ZNF521: variants seen among roughly 807,000 people sequenced by gnomAD.
ZNF521 encodes the protein LYST-interacting protein 3.
A neutral mutation model predicts 105.5 loss-of-function variants in ZNF521; 14 were observed. The observed-to-expected ratio is 0.13, with a 90% CI of 0.09 to 0.21. The LOEUF is 0.21. Ranked by LOEUF, ZNF521 falls within the 10% of genes least tolerant of loss-of-function variation. The pLI, the probability that ZNF521 is intolerant of heterozygous loss-of-function variation, is 1.00. For synonymous variants in ZNF521, 635 were observed against 606.0 expected (o/e 1.05, Z -0.70); for missense variants, 1,233 against 1,629.7 (o/e 0.76, Z 4.19).
At chr18:25,119,935 T>C (rs570496409) in intron 5 of ZNF521, among the ~76,000 whole-genome samples, 1 of 152,262 alleles carries the variant, frequency 6.6e-6, no homozygotes, top group Admixed American at 6.5e-5. Context: ...CTAAACTGAT[T>C]GGAAGAAAAG....
At position 25,227,464 on chromosome 18, in the gene ZNF521, T is replaced by A. The variant is rs1459669526; in HGVS notation, c.454A>T (p.Ser152Cys). 1 of 1,614,132 alleles carries A rather than the reference T, an allele frequency of 6.2e-7. No homozygotes were observed. The highest frequency in any genetic ancestry group is 2.2e-5 in the East Asian group (1 of 44,860). The change falls in exon 4 of 8, where the codon AGT becomes TGT. Residue 152 changes from serine to cysteine, a missense_variant. Transcript: ENST00000361524. This position sits in a 1 kb window ranked among gnomAD's most constrained non-coding sequence, Gnocchi z 5.7. ...DKLPFKCTYC[S>C]RLFKHKRSRD... ...CTGCGCTTGTGTTTGAACAGCCTACTGCAGTAGGTGCATTTGAAAGGCAGT... is the reference window on the plus strand; with the variant it reads ...CTGCGCTTGTGTTTGAACAGCCTACAGCAGTAGGTGCATTTGAAAGGCAGT...
intron 4 of ZNF521, among the ~76,000 whole-genome samples, chr18:25,216,821 G>A (rs1905355823): frequency 6.6e-6 from 1 of 152,146 alleles, no homozygotes; most frequent in Non-Finnish European, 1.5e-5. Flanking sequence ...CTCCCAAAGT[G>A]CTGGGATTAT....
Position 25,227,257 on chromosome 18 carries a change from T to C in ZNF521, c.661A>G (p.Met221Val). ...TCCTTGTTCCTCTCATGAACCTGCA[T>C]GTGTCCGTGTAAGGAACTAGAGGAC... The part of the protein sequence containing the change: ...FLSSSSLHGH[M>V]QVHERNKDGS... Residue 221 changes from methionine to valine, a missense_variant, in exon 4 of 8, where the codon ATG becomes GTG. By Grantham distance (21) the Met-to-Val change is conservative. Transcript: ENST00000361524. The surrounding 1 kb of genome is among the most constrained non-coding windows in gnomAD (Gnocchi z 5.7). 2 of 1,614,166 alleles carry C rather than the reference T, an allele frequency of 1.2e-6. No homozygotes were observed. Among genetic ancestry groups the C allele is most frequent in the Non-Finnish European group, 1.7e-6 (2 of 1,180,012 alleles).
At position 25,292,014 on chromosome 18, in the gene ZNF521, G is replaced by A. The variant is rs758679890; in HGVS notation, c.220+29994C>T. ...TGACAGTATCTGGCTCATAATAGGCGCTCAATGAATATTTATTGAAAGAAA... is the reference window on the plus strand; with the variant it reads ...TGACAGTATCTGGCTCATAATAGGCACTCAATGAATATTTATTGAAAGAAA... On this transcript the variant is annotated intron_variant, in intron 3 of 7. Transcript: ENST00000361524. 3.3e-5 allele frequency among the ~76,000 whole-genome samples: 5 copies of A among 151,928 alleles called. No homozygotes were observed. In the South Asian group the frequency reaches 8.3e-4, roughly 25 times the overall value.
chr18:25,298,621 G>T lies in ZNF521; in HGVS notation c.220+23387C>A, dbSNP rs1317615932. On this transcript the variant is annotated intron_variant, in intron 3 of 7. Coordinates refer to ENST00000361524, the MANE Select transcript of ZNF521 (RefSeq NM_015461.3). Reference sequence around the variant, plus strand: ...TACTTTATATTTTAAAAATGGAACAGCGGGTCATCAAAGTGGCACACTATA... The same window carrying T: ...TACTTTATATTTTAAAAATGGAACATCGGGTCATCAAAGTGGCACACTATA... Among the ~76,000 whole-genome samples, 6 of 152,086 alleles carry T rather than the reference G, an allele frequency of 3.9e-5. No individual in the cohort carries two copies. The East Asian group carries it at 1.2e-3, about 29-fold the overall frequency.
chr18:25,304,762 C>G (rs143361307), intron 3 of ZNF521, among the ~76,000 whole-genome samples: 1 of 152,166 alleles, frequency 6.6e-6, no homozygotes, highest in Non-Finnish European at 1.5e-5. Context: ...TTGCCACTCC[C>G]TTCTTTGAAG....
chr18:25,342,594 A>G lies in ZNF521; in HGVS notation c.40+8313T>C, dbSNP rs1364203798. Among the ~76,000 whole-genome samples, 5 of 143,308 alleles carry G rather than the reference A, an allele frequency of 3.5e-5. No homozygotes were observed. The East Asian group carries it at 1.0e-3, about 30-fold the overall frequency. The allele number at this position is 143,308 out of a possible 152,430, so 94.0% of individuals were successfully genotyped here. Reference sequence around the variant, plus strand: ...CAGGCGCCCGTCACCACGCCCGGCTAATTTTTTGTATTTTTAGTAGAGACG... The same window carrying G: ...CAGGCGCCCGTCACCACGCCCGGCTGATTTTTTGTATTTTTAGTAGAGACG... On this transcript the variant is annotated intron_variant, in intron 2 of 7. Coordinates refer to ENST00000361524, the MANE Select transcript of ZNF521 (RefSeq NM_015461.3).
At chr18:25,116,883 AT>A (rs2034317285) in intron 5 of ZNF521, among the ~76,000 whole-genome samples, 2 of 52,318 alleles carry the variant, frequency 3.8e-5, no homozygotes, top group South Asian at 9.1e-4. Flanking sequence ...ATATATATAT[AT>A]ATACGTATAT....
chr18:25,071,934 C>T (rs1241946740), intron 7 of ZNF521, among the ~76,000 whole-genome samples: 7 of 151,954 alleles, frequency 4.6e-5, no homozygotes, highest in Non-Finnish European at 7.4e-5. Context: ...GAATGGCCCC[C>T]GAAGTAGAGG....
chr18:25,166,169 G>A (rs1239933901), intron 5 of ZNF521, among the ~76,000 whole-genome samples: 2 of 152,112 alleles, frequency 1.3e-5, no homozygotes, highest in Non-Finnish European at 2.9e-5. Context: ...AATCTCTGCT[G>A]TTCCATCACA....
chr18:25,075,785 G>A (rs988842866), intron 7 of ZNF521, among the ~76,000 whole-genome samples: 1 of 152,202 alleles, frequency 6.6e-6, no homozygotes, highest in African/African-American at 2.4e-5. Context: ...CGGCGCAGGA[G>A]AAAAGTTATT....
At chr18:25,308,657 C>G (rs1195731026) in intron 3 of ZNF521, among the ~76,000 whole-genome samples, 21 of 146,396 alleles carry the variant, frequency 1.4e-4, no homozygotes, top group Admixed American at 5.5e-4. Context: ...CATCCCCCCC[C>G]CCCCACCCGC....
chr18:25,282,340 C>T (rs749225045), intron 3 of ZNF521, among the ~76,000 whole-genome samples: 5 of 152,094 alleles, frequency 3.3e-5, no homozygotes, highest in African/African-American at 4.8e-5. Context: ...ACATGCACAT[C>T]GGAACCACTG....
chr18:25,314,375 T>G (rs983537525), intron 3 of ZNF521, among the ~76,000 whole-genome samples: 1 of 152,156 alleles, frequency 6.6e-6, no homozygotes, highest in African/African-American at 2.4e-5. Context: ...ATACTCACTT[T>G]CACATTTAAA....
intron 3 of ZNF521, among the ~76,000 whole-genome samples, chr18:25,230,600 TGTA>T (rs200590308): frequency 7.2e-6 from 1 of 138,806 alleles, no homozygotes; most frequent in South Asian, 2.3e-4. Context: ...TGGAAGAAAC[TGTA>T]GAAGATTCTT....
At chr18:25,238,782 A>G (rs1006436359) in intron 3 of ZNF521, among the ~76,000 whole-genome samples, 5 of 152,062 alleles carry the variant, frequency 3.3e-5, no homozygotes, top group African/African-American at 9.7e-5. Context: ...TAATCCACCA[A>G]TCACTAGCAG....
At chr18:25,182,458 A>C (rs1241174558) in intron 5 of ZNF521, among the ~76,000 whole-genome samples, 1 of 152,220 alleles carries the variant, frequency 6.6e-6, no homozygotes, top group Admixed American at 6.5e-5. Context: ...ACCTGAGGTC[A>C]ACATACATCA....
chr18:25,208,722 T>G (rs928661016), intron 4 of ZNF521, among the ~76,000 whole-genome samples: 8 of 152,234 alleles, frequency 5.3e-5, no homozygotes, highest in African/African-American at 1.7e-4. Flanking sequence ...TTAAAACATT[T>G]AAAACCAACT....
chr18:25,309,275 G>A (rs969028482), intron 3 of ZNF521, among the ~76,000 whole-genome samples: 1 of 152,226 alleles, frequency 6.6e-6, no homozygotes, highest in African/African-American at 2.4e-5. Flanking sequence ...GTTTCTGCAG[G>A]CCACAGAAGG....
Sources: gnomAD v4.1 joint callset for allele counts (sites outside exome capture counted in the v4.1 genomes callset) on GRCh38, gnomAD v4.1.1 for gene constraint, Gnocchi (gnomAD v3.1) non-coding constraint, MANE v1.5 for transcripts, NCBI Gene and HGNC (gene_info 2026-07-23, HGNC 2026-07-21) for gene names.